Variants in MCPH1 observed in about 807,000 individuals in gnomAD.
MCPH1 encodes the protein microcephalin 1.
In MCPH1, 104 loss-of-function variants were observed where a neutral mutation model predicts 84.5. The ratio of observed to expected loss-of-function variants is 1.23; its 90% CI spans 1.05 to 1.45. MCPH1 has a LOEUF of 1.45. MCPH1 is among the 40% of genes most tolerant of loss of function. The pLI is 0.00. For synonymous variants in MCPH1, 514 were observed against 366.8 expected, an observed-to-expected ratio of 1.40 and a Z score of -4.58; for missense variants, 1,498 against 1,005.7, an observed-to-expected ratio of 1.49 and a Z score of -6.62.
chr8:6,620,593 G>A (rs765717184), intron 12 of MCPH1, among the ~76,000 whole-genome samples: 3 of 152,158 alleles, frequency 2.0e-5, no homozygotes, highest in Non-Finnish European at 4.4e-5. Context: ...TCTCTAATTT[G>A]TGTGAACCAT....
intron 3 of MCPH1, among the ~76,000 whole-genome samples, chr8:6,422,175 G>C (rs1451694192): frequency 1.3e-5 from 2 of 152,204 alleles, no homozygotes; most frequent in Non-Finnish European, 1.5e-5. Context: ...TCCAAGAGCA[G>C]CTACCTGTCT....
chr8:6,448,655 G>A (rs947320374), intron 8 of MCPH1, among the ~76,000 whole-genome samples: 4 of 152,122 alleles, frequency 2.6e-5, no homozygotes, highest in Non-Finnish European at 4.4e-5. Flanking sequence ...GCATACAACT[G>A]CAAATAGATA....
chr8:6,544,370 A>G (rs745728377), intron 12 of MCPH1, among the ~76,000 whole-genome samples: 3 of 152,238 alleles, frequency 2.0e-5, no homozygotes, highest in Non-Finnish European at 4.4e-5. Context: ...GGAAAGAGAG[A>G]CTGTGAACTG....
At chr8:6,462,373 C>T (rs1373204211) in intron 9 of MCPH1, among the ~76,000 whole-genome samples, 1 of 152,172 alleles carries the variant, frequency 6.6e-6, no homozygotes, top group Non-Finnish European at 1.5e-5. Context: ...AAAATAAGTG[C>T]TCAGTAAATA....
chr8:6,591,352 G>A (rs1828437229), intron 12 of MCPH1, among the ~76,000 whole-genome samples: 2 of 152,200 alleles, frequency 1.3e-5, no homozygotes, highest in Non-Finnish European at 2.9e-5. Flanking sequence ...TGTTTATTAA[G>A]GTCTTGATCT....
chr8:6,479,692 A>T (rs1312651723), intron 10 of MCPH1, among the ~76,000 whole-genome samples: 1 of 152,142 alleles, frequency 6.6e-6, no homozygotes, highest in African/African-American at 2.4e-5. Context: ...GGGATTTTTT[A>T]AATTTTCTGG....
intron 3 of MCPH1, among the ~76,000 whole-genome samples, chr8:6,425,688 T>G (rs765777975): frequency 2.6e-5 from 4 of 152,250 alleles, no homozygotes; most frequent in Non-Finnish European, 5.9e-5. Flanking sequence ...AAGCCCTTCC[T>G]TAAACTGCTA....
chr8:6,435,761 G>C (rs1442400433), intron 4 of MCPH1, among the ~76,000 whole-genome samples: 5 of 152,130 alleles, frequency 3.3e-5, no homozygotes, highest in African/African-American at 9.7e-5. Flanking sequence ...AAAATCGAAA[G>C]AGACTGGCTA....
chr8:6,466,521 A>C (rs1585933767), intron 9 of MCPH1, among the ~76,000 whole-genome samples: 1 of 152,120 alleles, frequency 6.6e-6, no homozygotes, highest in Non-Finnish European at 1.5e-5. Flanking sequence ...ATTAGCCAGG[A>C]TGGTCTCACT....
intron 10 of MCPH1, among the ~76,000 whole-genome samples, chr8:6,480,397 G>T (rs1457637322): frequency 6.6e-6 from 1 of 152,146 alleles, no homozygotes; most frequent in Non-Finnish European, 1.5e-5. Flanking sequence ...GGGATTACAG[G>T]TGTGAGCCAC....
chr8:6,515,057 C>T (rs1205309493), intron 12 of MCPH1, among the ~76,000 whole-genome samples: 1 of 151,902 alleles, frequency 6.6e-6, no homozygotes, highest in Non-Finnish European at 1.5e-5. Context: ...AGGCTAAAGA[C>T]CCCACCCTGA....
chr8:6,424,238 C>G (rs1460913917), intron 3 of MCPH1, among the ~76,000 whole-genome samples: 1 of 152,178 alleles, frequency 6.6e-6, no homozygotes, highest in African/African-American at 2.4e-5. Context: ...GTCAGCTTGG[C>G]CCCCACTCTA....
chr8:6,433,648 A>C lies in MCPH1; in HGVS notation c.321+2062A>C, dbSNP rs1292989419. ...TCTGTCTCAAAAAAAAAAAAAAAAA[A>C]AAAAAAACCTATTTCGTGATACTCT... On this transcript the variant is annotated intron_variant, in intron 4 of 13. Coordinates refer to ENST00000344683, the MANE Select transcript of MCPH1 (RefSeq NM_024596.5). 2.0e-5 allele frequency among the ~76,000 whole-genome samples: 3 copies of C among 151,524 alleles called. No individual in the cohort carries two copies. The East Asian group carries it at 5.8e-4, about 29-fold the overall frequency.
At chr8:6,483,885 A>G (rs1809541986) in intron 11 of MCPH1, among the ~76,000 whole-genome samples, 1 of 152,028 alleles carries the variant, frequency 6.6e-6, no homozygotes, top group Non-Finnish European at 1.5e-5. Flanking sequence ...AGGAGAGGAG[A>G]GGAGGAAGGA....
At chr8:6,575,344 A>G (rs1826983399) in intron 12 of MCPH1, among the ~76,000 whole-genome samples, 2 of 152,240 alleles carry the variant, frequency 1.3e-5, no homozygotes, top group Admixed American at 6.5e-5. Flanking sequence ...GCAGCAAAGC[A>G]GCTCCATTAT....
intron 12 of MCPH1, among the ~76,000 whole-genome samples, chr8:6,518,973 CTGAG>C (rs1221697512): frequency 3.3e-5 from 5 of 151,912 alleles, no homozygotes; most frequent in Non-Finnish European, 4.4e-5. Flanking sequence ...GTCAGGCTCT[CTGAG>C]TGAGGCTGCA....
At chr8:6,432,358 TA>T (rs1801965395) in intron 4 of MCPH1, among the ~76,000 whole-genome samples, 1 of 152,386 alleles carries the variant, frequency 6.6e-6, no homozygotes, top group African/African-American at 2.4e-5. Context: ...TATTTTTTTT[TA>T]ATTTGTGTTA....
chr8:6,627,073 A>G, intron 13 of MCPH1: 1 of 985,174 alleles, frequency 1.0e-6, no homozygotes, highest in Non-Finnish European at 1.2e-6. Context: ...CGATGTTTTC[A>G]GGAAAAAGAT....
intron 11 of MCPH1, among the ~76,000 whole-genome samples, chr8:6,498,866 C>A (rs780295039): frequency 6.6e-6 from 1 of 151,818 alleles, no homozygotes; most frequent in African/African-American, 2.4e-5. Context: ...CTGGCCAACA[C>A]GGTGAAACCC....
Sources: allele counts gnomAD v4.1 joint callset (sites outside exome capture counted in the v4.1 genomes callset), GRCh38; gene constraint gnomAD v4.1.1; transcripts MANE v1.5; gene names NCBI Gene and HGNC (gene_info 2026-07-23, HGNC 2026-07-21).